The following CRACD variants were observed in gnomAD, a reference collection of about 807,000 sequenced individuals.
CRACD encodes the protein capping protein inhibiting regulator of actin dynamics.
A neutral mutation model predicts 106.8 loss-of-function variants in CRACD; 56 were observed. That is an observed-to-expected ratio of 0.52 (90% confidence interval 0.42 to 0.66). CRACD has a LOEUF of 0.66. Ranked by LOEUF, CRACD falls within the 30% of genes least tolerant of loss-of-function variation. CRACD has a pLI of 0.00. For synonymous variants in CRACD, 754 were observed against 670.8 expected (o/e 1.12, Z -1.92); for missense variants, 1,730 against 1,623.2 (o/e 1.07, Z -1.13).
chr4:56,070,847 C>CTGTGTGTGTGTGTGTGTGTG (rs60372588), intron 1 of CRACD, among the ~76,000 whole-genome samples: 3,092 of 120,356 alleles, frequency 0.026, 171 homozygotes, highest in Non-Finnish European at 0.03. Flanking sequence ...AGGGGCTATG[C>CTGTGTGTGTGTGTGTGTGTG]TGTGTGTGTG....
intron 2 of CRACD, among the ~76,000 whole-genome samples, chr4:56,255,626 A>G (rs912973749): frequency 2.6e-5 from 4 of 152,252 alleles, no homozygotes; most frequent in African/African-American, 9.6e-5. Flanking sequence ...TGTACTGGCC[A>G]AAAGATGAGA....
At chr4:56,293,284 A>C (rs1292574693) in intron 3 of CRACD, among the ~76,000 whole-genome samples, 1 of 152,216 alleles carries the variant, frequency 6.6e-6, no homozygotes, top group African/African-American at 2.4e-5. Flanking sequence ...ACAGTATTTA[A>C]GAGATAAAGG....
rs547583671 is a variant in CRACD, at chr4:56,122,373, G to A, written c.-335-56911G>A. On this transcript the variant is annotated intron_variant, in intron 1 of 10. Coordinates refer to ENST00000682029, the MANE Select transcript of CRACD (RefSeq NM_001393381.1). ...AAAAAAAGTCAGGAAAAGCAGGGAA[G>A]GGGAAAAAGAAGCAAAAAATTTGCA... Among the ~76,000 whole-genome samples the A allele has an allele frequency of 4.7e-5, 7 of 150,502 alleles. No individual in the cohort carries two copies. The South Asian group carries it at 1.5e-3, about 32-fold the overall frequency.
intron 1 of CRACD, among the ~76,000 whole-genome samples, chr4:56,065,829 TG>T (rs1732448725): frequency 6.6e-6 from 1 of 152,194 alleles, no homozygotes; most frequent in South Asian, 2.1e-4. Context: ...TGTTAAACAA[TG>T]GGTTTACCTA....
intron 2 of CRACD, among the ~76,000 whole-genome samples, chr4:56,218,414 T>A (rs1738833506): frequency 6.6e-6 from 1 of 151,458 alleles, no homozygotes. Flanking sequence ...CCTGGTCTGC[T>A]TTCTTTCCCT....
At chr4:56,201,092 TA>T (rs1286354159) in intron 2 of CRACD, among the ~76,000 whole-genome samples, 1 of 152,240 alleles carries the variant, frequency 6.6e-6, no homozygotes, top group African/African-American at 2.4e-5. Context: ...CAGATATTTT[TA>T]TATGGACTAA....
At chr4:56,175,620 AT>A in intron 1 of CRACD, among the ~76,000 whole-genome samples, 1 of 152,182 alleles carries the variant, frequency 6.6e-6, no homozygotes, top group Non-Finnish European at 1.5e-5. Flanking sequence ...CTCTTTTGCC[AT>A]TTTTAAATCA....
intron 2 of CRACD, among the ~76,000 whole-genome samples, chr4:56,231,542 A>G (rs1370691491): frequency 1.3e-5 from 2 of 152,204 alleles, no homozygotes; most frequent in Non-Finnish European, 2.9e-5. Context: ...GTAGAGTGTT[A>G]TAGGACCAAT....
chr4:56,298,218 T>C lies in CRACD; in HGVS notation c.-12T>C. 1.2e-6 allele frequency: 2 copies of C among 1,613,026 alleles called. No homozygotes were observed. The highest frequency in any genetic ancestry group is 1.1e-5 in the South Asian group (1 of 90,806). ...AGCACATGATTTACCTTCCAGGTCC[T>C]TCAACTATTCTATGGGAACCCGGGC... On this transcript the variant is annotated 5_prime_UTR_variant, in exon 4 of 11. Transcript: ENST00000682029.
At chr4:56,257,208 A>G (rs1329458119) in intron 2 of CRACD, among the ~76,000 whole-genome samples, 1 of 151,554 alleles carries the variant, frequency 6.6e-6, no homozygotes, top group Admixed American at 6.6e-5. Flanking sequence ...CAGCCTCCCA[A>G]GTAGCTGGGA....
At chr4:56,177,702 TTTGTCTGTTCAGA>T (rs576816299) in intron 1 of CRACD, among the ~76,000 whole-genome samples, 82 of 152,342 alleles carry the variant, frequency 5.4e-4, no homozygotes, top group African/African-American at 1.9e-3. Flanking sequence ...TTACTTTTTA[TTTGTCTGTTCAGA>T]TTCTCTATTT....
intron 2 of CRACD, among the ~76,000 whole-genome samples, chr4:56,271,739 T>C (rs1742358624): frequency 6.6e-6 from 1 of 152,110 alleles, no homozygotes; most frequent in Admixed American, 6.6e-5. Context: ...TTTTCTTTTT[T>C]ATTTTATTTA....
chr4:56,109,982 T>A (rs1447776197), intron 1 of CRACD, among the ~76,000 whole-genome samples: 1 of 152,014 alleles, frequency 6.6e-6, no homozygotes, highest in African/African-American at 2.4e-5. Flanking sequence ...ATTGAAAAGG[T>A]CCATTGAACG....
chr4:56,057,805 T>G lies in CRACD; in HGVS notation c.-336+8506T>G, dbSNP rs865906842. ...CACCTGGCTCATTTTTTGTATTTTT[T>G]TTTTTTTTGTTTTTTTTTTTTTTTT... On this transcript the variant is annotated intron_variant, in intron 1 of 10. Coordinates refer to ENST00000682029, the MANE Select transcript of CRACD (RefSeq NM_001393381.1). Among the ~76,000 whole-genome samples the G allele has an allele frequency of 2.5e-3, 148 of 59,352 alleles. 34 individuals are homozygous for G. Among genetic ancestry groups the G allele is most frequent in the African/African-American group, 0.021 (136 of 6,474 alleles). 38.9% of individuals were successfully genotyped at this position (59,352 alleles called of 152,430 possible).
intron 2 of CRACD, among the ~76,000 whole-genome samples, chr4:56,258,837 G>A (rs1741521786): frequency 6.6e-6 from 1 of 152,178 alleles, no homozygotes; most frequent in Non-Finnish European, 1.5e-5. Context: ...TTGGGAAGAG[G>A]TATGTGGATA....
intron 1 of CRACD, among the ~76,000 whole-genome samples, chr4:56,070,269 C>T (rs1280019912): frequency 2.8e-4 from 43 of 151,742 alleles, no homozygotes; most frequent in Admixed American, 2.8e-3. Context: ...ACTCTCCTTC[C>T]ACTTCCTCTC....
intron 2 of CRACD, among the ~76,000 whole-genome samples, chr4:56,213,571 C>CA (rs779141979): frequency 2.6e-5 from 4 of 152,202 alleles, no homozygotes; most frequent in Non-Finnish European, 5.9e-5. Context: ...TTCAGAGAGA[C>CA]TCCAGTACAG....
rs183474819 is a variant in CRACD, at chr4:56,312,050, C to T, written c.355-1147C>T. 1.1e-3 allele frequency among the ~76,000 whole-genome samples: 160 copies of T among 152,240 alleles called. No individual in the cohort carries two copies. The Middle Eastern group carries it at 0.014, about 13-fold the overall frequency. ...TTCCACAATTCATCCTTTGAAGGAC[C>T]GCACTTGTCCCGGTGGCAGATTTTT... is the stretch of plus-strand genomic sequence containing the variant. On this transcript the variant is annotated intron_variant, in intron 6 of 10. Coordinates refer to ENST00000682029, the MANE Select transcript of CRACD (RefSeq NM_001393381.1).
rs202033143 is a variant in CRACD at position 56,298,275 on chromosome 4, G to T, written c.46G>T (p.Gly16Trp). ...FSHDSIFIPD[G>W]GAESEQTVQA... ...CCATGACAGTATTTTTATCCCTGAT[G>T]GGGGAGCAGAAAGTGAGCAGACAGT... The change falls in exon 4 of 11, where the codon GGG (glycine) becomes TGG (tryptophan). Residue 16 changes from glycine (G) to tryptophan (W), a missense_variant. Transcript: ENST00000682029. 5.6e-6 allele frequency: 9 copies of T among 1,614,010 alleles called. No individual in the cohort carries two copies. Among genetic ancestry groups the T allele is most frequent in the East Asian group, 2.2e-5 (1 of 44,890 alleles).
Sources: gnomAD v4.1 joint callset for allele counts (sites outside exome capture counted in the v4.1 genomes callset) on GRCh38, gnomAD v4.1.1 for gene constraint, MANE v1.5 for transcripts, NCBI Gene and HGNC (gene_info 2026-07-23, HGNC 2026-07-21) for gene names.